Variants in GRM5 observed in about 807,000 individuals in gnomAD.
GRM5 encodes metabotropic glutamate receptor 5.
GRM5 carries 19 observed loss-of-function variants against 83.1 expected under a neutral mutation model. The observed-to-expected ratio is 0.23, with a 90% CI of 0.16 to 0.34. GRM5 has a LOEUF of 0.34. Ranked by LOEUF, GRM5 falls within the 10% of genes least tolerant of loss-of-function variation. The probability of loss-of-function intolerance (pLI) is 1.00; values close to 1 mark genes in which losing one functional copy is unlikely to be tolerated. For missense variants in GRM5, 1,160 were observed against 1,588.3 expected, an observed-to-expected ratio of 0.73 and a Z score of 4.58; for synonymous variants, 675 against 633.6, an observed-to-expected ratio of 1.07 and a Z score of -0.98.
chr11:88,905,615 T>C (rs1358730958), intron 2 of GRM5, among the ~76,000 whole-genome samples: 1 of 152,234 alleles, frequency 6.6e-6, no homozygotes, highest in East Asian at 1.9e-4. Context: ...GTGTTGGGAT[T>C]ACATGCATGA....
At chr11:88,570,571 ATTTTTTTTTT>A (rs1194098388) in intron 7 of GRM5, among the ~76,000 whole-genome samples, 25 of 46,378 alleles carry the variant, frequency 5.4e-4, no homozygotes, top group African/African-American at 2.9e-3. Flanking sequence ...ATATATATAT[ATTTTTTTTTT>A]TTTTTTTTTT....
At chr11:89,029,428 C>G (rs577731797) in intron 2 of GRM5, among the ~76,000 whole-genome samples, 47 of 152,240 alleles carry the variant, frequency 3.1e-4, no homozygotes, top group African/African-American at 1.1e-3. Flanking sequence ...TGATAGAAAA[C>G]TTAAGTCTCC....
chr11:88,640,043 C>T (rs890785003), intron 4 of GRM5, among the ~76,000 whole-genome samples: 1 of 152,108 alleles, frequency 6.6e-6, no homozygotes. Context: ...ACTTCCATAG[C>T]TGGGGCTTTG....
chr11:88,920,560 T>C (rs1185191388), intron 2 of GRM5, among the ~76,000 whole-genome samples: 1 of 152,060 alleles, frequency 6.6e-6, no homozygotes, highest in Non-Finnish European at 1.5e-5. Context: ...CCAAACTCAT[T>C]GGAAGTACTA....
At position 88,590,599 on chromosome 11, in the gene GRM5, A is replaced by T; in HGVS notation, c.1690+2T>A. On this transcript the variant is annotated splice_donor_variant, in intron 7 of 9. Transcript: ENST00000305447. LOFTEE classifies it high-confidence loss of function. ...ATATGTGGTGAGATTGTGATAGATT[A>T]CCTGTGAGATCATCAGTGGGCCAAG... 2 of 1,611,230 alleles carry T rather than the reference A, an allele frequency of 1.2e-6. No homozygotes were observed. Among genetic ancestry groups the T allele is most frequent in the Non-Finnish European group, 1.7e-6 (2 of 1,177,644 alleles).
chr11:89,007,494 C>T (rs779763384), intron 2 of GRM5, among the ~76,000 whole-genome samples: 17 of 152,104 alleles, frequency 1.1e-4, no homozygotes, highest in Non-Finnish European at 2.2e-4. Flanking sequence ...CATTCTGCTG[C>T]TATTTTATGT....
chr11:88,827,134 C>T (rs758146406), intron 3 of GRM5, among the ~76,000 whole-genome samples: 1 of 152,040 alleles, frequency 6.6e-6, no homozygotes, highest in African/African-American at 2.4e-5. Flanking sequence ...GACATCTGAA[C>T]GCCAGTTATT....
At chr11:88,648,940 A>AGAATAAAGAAT (rs1342271487) in intron 4 of GRM5, among the ~76,000 whole-genome samples, 1 of 148,322 alleles carries the variant, frequency 6.7e-6, no homozygotes, top group African/African-American at 2.6e-5. Context: ...TTTTAAACTG[A>AGAATAAAGAAT]TGCAATTCTT....
chr11:88,927,798 T>A (rs1208355741), intron 2 of GRM5, among the ~76,000 whole-genome samples: 1 of 152,156 alleles, frequency 6.6e-6, no homozygotes, highest in Admixed American at 6.6e-5. Flanking sequence ...GAAATAACAG[T>A]GAGATTCAGA....
chr11:88,691,786 T>C (rs971845601), intron 3 of GRM5, among the ~76,000 whole-genome samples: 5 of 152,206 alleles, frequency 3.3e-5, no homozygotes, highest in Non-Finnish European at 5.9e-5. Context: ...TGTTATTCTA[T>C]CATAAAAATC....
At chr11:88,828,055 T>C (rs1943923692) in intron 3 of GRM5, among the ~76,000 whole-genome samples, 1 of 151,992 alleles carries the variant, frequency 6.6e-6, no homozygotes, top group African/African-American at 2.4e-5. Flanking sequence ...TGGGGGAAGG[T>C]TGTTTCAGGC....
At chr11:88,982,557 G>C (rs1192100766) in intron 2 of GRM5, among the ~76,000 whole-genome samples, 1 of 151,954 alleles carries the variant, frequency 6.6e-6, no homozygotes. Context: ...ATACTGTTCA[G>C]GTTTTTAAAA....
chr11:88,726,402 C>G (rs750711855), intron 3 of GRM5, among the ~76,000 whole-genome samples: 2 of 152,066 alleles, frequency 1.3e-5, no homozygotes, highest in Non-Finnish European at 2.9e-5. Context: ...AAAGACCAAA[C>G]CTGTGTTTGA....
chr11:88,553,875 T>A (rs1437481380), intron 8 of GRM5, among the ~76,000 whole-genome samples: 1 of 152,070 alleles, frequency 6.6e-6, no homozygotes, highest in Non-Finnish European at 1.5e-5. Flanking sequence ...CACAGGAGTT[T>A]TGGGTAGGGA....
intron 4 of GRM5, among the ~76,000 whole-genome samples, chr11:88,647,217 T>A (rs1939483814): frequency 6.6e-6 from 1 of 152,038 alleles, no homozygotes; most frequent in African/African-American, 2.4e-5. Context: ...TATGACTTCA[T>A]CCTTATTAGT....
chr11:88,539,195 G>T (rs1324527695), intron 8 of GRM5, among the ~76,000 whole-genome samples: 1 of 152,194 alleles, frequency 6.6e-6, no homozygotes, highest in African/African-American at 2.4e-5. Context: ...AGCTGATGGA[G>T]TATCAGGGTC....
chr11:88,779,758 C>T (rs560932119), intron 3 of GRM5, among the ~76,000 whole-genome samples: 2 of 152,222 alleles, frequency 1.3e-5, no homozygotes, highest in East Asian at 1.9e-4. Context: ...AAAGCAAACA[C>T]CAGAAATCAT....
chr11:88,711,621 G>C (rs901245763), intron 3 of GRM5, among the ~76,000 whole-genome samples: 15 of 151,874 alleles, frequency 9.9e-5, no homozygotes, highest in African/African-American at 3.6e-4. Flanking sequence ...TCATCTCTCA[G>C]TTTCTTCATC....
intron 2 of GRM5, among the ~76,000 whole-genome samples, chr11:88,987,508 A>G (rs969118779): frequency 2.0e-5 from 3 of 152,022 alleles, no homozygotes; most frequent in Admixed American, 1.3e-4. Flanking sequence ...GGAGCCCACC[A>G]CAGCTCAAGG....
Sources: gnomAD v4.1 joint callset for allele counts (sites outside exome capture counted in the v4.1 genomes callset) on GRCh38, gnomAD v4.1.1 for gene constraint, MANE v1.5 for transcripts, NCBI Gene and HGNC (gene_info 2026-07-23, HGNC 2026-07-21) for gene names.